ARPP21: variants seen among roughly 807,000 people sequenced by gnomAD.
ARPP21 encodes cAMP regulated phosphoprotein 21.
In ARPP21, 69 loss-of-function variants were observed where a neutral mutation model predicts 113.2. That is an observed-to-expected ratio of 0.61 (90% CI 0.50 to 0.74). The LOEUF is 0.74. ARPP21 is among the 30% of genes least tolerant of loss of function. The probability of loss-of-function intolerance (pLI) is 0.00; values close to 1 mark genes in which losing one functional copy is unlikely to be tolerated. For missense variants in ARPP21, 1,070 were observed against 1,037.4 expected (o/e 1.03, Z -0.43); for synonymous variants, 368 against 375.5 (o/e 0.98, Z 0.23).
At chr3:35,651,673 G>T (rs1186203748) in intron 1 of ARPP21, 1 of 151,974 alleles carries the variant, frequency 6.6e-6, no homozygotes, top group African/African-American at 2.4e-5. Flanking sequence ...TTTCTAAAAG[G>T]GGATTGTTCT....
chr3:35,750,802 T>G (rs1272749452), intron 19 of ARPP21, among the ~76,000 whole-genome samples: 1 of 152,114 alleles, frequency 6.6e-6, no homozygotes, highest in African/African-American at 2.4e-5. Flanking sequence ...CCTTTTGCAA[T>G]TGAATAAGAA....
At chr3:35,777,967 A>C (rs780016369) in intron 19 of ARPP21, among the ~76,000 whole-genome samples, 5 of 152,248 alleles carry the variant, frequency 3.3e-5, no homozygotes, top group South Asian at 4.1e-4. Context: ...CTCTACCCTA[A>C]TATCTAATGA....
At chr3:35,642,640 T>C (rs1698539053) in intron 1 of ARPP21, among the ~76,000 whole-genome samples, 1 of 152,182 alleles carries the variant, frequency 6.6e-6, no homozygotes, top group African/African-American at 2.4e-5. Context: ...AGCTGTCATA[T>C]TCTTGGGTGG....
At position 35,793,773 on chromosome 3, in the gene ARPP21, G is replaced by A. The variant is rs150351113; in HGVS notation, c.2359G>A (p.Ala787Thr). The A allele has an allele frequency of 6.2e-7, 1 of 1,613,964 alleles. No individual in the cohort carries two copies. The highest frequency in any genetic ancestry group is 1.1e-5 in the South Asian group (1 of 91,072). ...YQQPIMLPNQ[A>T]GQGSLPATGM... ...ACAGCCAATCATGCTACCTAACCAGGCAGGTCAAGGGTCACTCCCAGCCAC... is the reference window on the plus strand; with the variant it reads ...ACAGCCAATCATGCTACCTAACCAGACAGGTCAAGGGTCACTCCCAGCCAC... The change falls in exon 21 of 21, where the codon GCA (alanine) becomes ACA (threonine). Residue 787 changes from alanine (A) to threonine (T), a missense_variant. Coordinates refer to ENST00000684406, the MANE Select transcript of ARPP21 (RefSeq NM_001385562.1).
Position 35,681,862 on chromosome 3 carries a change from GGAGA to G in ARPP21, c.112_115del (p.Glu38AsnfsTer27), listed in dbSNP as rs1559595822. The G allele has an allele frequency of 6.2e-7, 1 of 1,611,958 alleles. No homozygotes were observed. Among genetic ancestry groups the G allele is most frequent in the Admixed American group, 1.7e-5 (1 of 59,856 alleles). On this transcript the variant is annotated frameshift_variant, in exon 3 of 21. Coordinates refer to ENST00000684406, the MANE Select transcript of ARPP21 (RefSeq NM_001385562.1). LOFTEE classifies it high-confidence loss of function. ...TTAAATCAGAAAGTCTGGATGAAGA[GGAGA>G]AACTGGAACTGCAGGTGAGTGAGCA...
intron 19 of ARPP21, among the ~76,000 whole-genome samples, chr3:35,760,376 G>T (rs1301177776): frequency 6.6e-6 from 1 of 152,070 alleles, no homozygotes; most frequent in Non-Finnish European, 1.5e-5. Flanking sequence ...GCCAGCACTT[G>T]TACGATGACA....
chr3:35,776,427 A>T (rs1387122565), intron 19 of ARPP21, among the ~76,000 whole-genome samples: 3 of 152,154 alleles, frequency 2.0e-5, no homozygotes, highest in Admixed American at 2.0e-4. Flanking sequence ...GGCCAGGGAA[A>T]GCAGAGGAAG....
rs1316822283 is a variant in ARPP21, at chr3:35,792,403, G to T, written c.2159G>T (p.Gly720Val). The stretch of plus-strand genomic sequence containing the variant: ...GCAGGTTACCAGCCAGTCTTGTCTG[G>T]TCAACAGGGATTCCAAGGCCTAATA... ...QQAGYQPVLS[G>V]QQGFQGLIGV... The change falls in exon 20 of 21, where the codon GGT becomes GTT. Residue 720 changes from glycine to valine, a missense_variant. By Grantham distance (109) the Gly-to-Val change is moderately radical. Coordinates refer to ENST00000684406, the MANE Select transcript of ARPP21 (RefSeq NM_001385562.1). The T allele has an allele frequency of 6.2e-7, 1 of 1,614,008 alleles. No individual in the cohort carries two copies. Among genetic ancestry groups the T allele is most frequent in the Non-Finnish European group, 8.5e-7 (1 of 1,179,910 alleles).
chr3:35,727,395 A>G (rs1053816319), intron 14 of ARPP21, among the ~76,000 whole-genome samples: 1 of 152,216 alleles, frequency 6.6e-6, no homozygotes, highest in Non-Finnish European at 1.5e-5. Flanking sequence ...AGGCAGTATT[A>G]GTCATCATTT....
intron 18 of ARPP21, 89 bp downstream of exon 18, chr3:35,739,666 A>G (rs539109066): frequency 3.5e-4 from 507 of 1,451,862 alleles, no homozygotes; most frequent in Non-Finnish European, 4.5e-4. Flanking sequence ...AACCAGATTC[A>G]CTCCCTCTTC....
intron 15 of ARPP21, among the ~76,000 whole-genome samples, chr3:35,733,389 G>A (rs541351996): frequency 1.2e-4 from 19 of 152,004 alleles, no homozygotes; most frequent in African/African-American, 2.7e-4. Flanking sequence ...TTTTCTCTGC[G>A]CCTGCTCTGC....
intron 3 of ARPP21, 83 bp downstream of exon 3, chr3:35,681,963 A>AT (rs1373826849): frequency 2.8e-6 from 4 of 1,431,240 alleles, no homozygotes; most frequent in Non-Finnish European, 2.8e-6. Flanking sequence ...TTAGAGATTT[A>AT]TTTTTTAAAG....
chr3:35,715,197 C>A (rs975325603), intron 11 of ARPP21: 8 of 414,116 alleles, frequency 1.9e-5, no homozygotes, highest in Non-Finnish European at 3.5e-5. Flanking sequence ...GACCTCCATG[C>A]CGAACAGACT....
In ARPP21 at chr3:35,793,797, A is replaced by G. The variant is rs1384799183; in HGVS notation, c.2383A>G (p.Thr795Ala). 3 of 1,614,022 alleles carry G rather than the reference A, an allele frequency of 1.9e-6. No homozygotes were observed. Among genetic ancestry groups the G allele is most frequent in the Non-Finnish European group, 2.5e-6 (3 of 1,180,016 alleles). The change falls in exon 21 of 21, where the codon ACT (threonine) becomes GCT (alanine). Residue 795 changes from threonine (T) to alanine (A), a missense_variant. By Grantham distance (58) the Thr-to-Ala change is moderately conservative. Coordinates refer to ENST00000684406, the MANE Select transcript of ARPP21 (RefSeq NM_001385562.1). ...NQAGQGSLPA[T>A]GMPVYCNVTP... is the part of the protein sequence containing the mutation. ...GGCAGGTCAAGGGTCACTCCCAGCC[A>G]CTGGAATGCCTGTTTACTGTAATGT... is the stretch of plus-strand genomic sequence containing the variant.
intron 19 of ARPP21, among the ~76,000 whole-genome samples, chr3:35,766,928 G>A (rs1040472272): frequency 6.6e-6 from 1 of 152,050 alleles, no homozygotes; most frequent in African/African-American, 2.4e-5. Context: ...AAGAAATGGG[G>A]CATTTTTTAT....
intron 1 of ARPP21, among the ~76,000 whole-genome samples, chr3:35,666,231 A>G (rs1458154102): frequency 6.6e-6 from 1 of 152,112 alleles, no homozygotes; most frequent in Non-Finnish European, 1.5e-5. Flanking sequence ...GTTATAGGGT[A>G]TTCCCACAAA....
At chr3:35,646,096 G>C (rs1700115215) in intron 1 of ARPP21, among the ~76,000 whole-genome samples, 1 of 151,972 alleles carries the variant, frequency 6.6e-6, no homozygotes, top group African/African-American at 2.4e-5. Flanking sequence ...TCTCACTACT[G>C]TTACATAGAC....
At chr3:35,711,722 G>T (rs551389008) in intron 11 of ARPP21, among the ~76,000 whole-genome samples, 1 of 152,102 alleles carries the variant, frequency 6.6e-6, no homozygotes, top group Non-Finnish European at 1.5e-5. Context: ...TTATTGGAAG[G>T]CCTCAATTCT....
chr3:35,658,023 A>G (rs1320208744), intron 1 of ARPP21, among the ~76,000 whole-genome samples: 1 of 152,134 alleles, frequency 6.6e-6, no homozygotes, highest in Non-Finnish European at 1.5e-5. Flanking sequence ...ATAAAAAGTA[A>G]TTGCACATTT....
Sources: allele counts gnomAD v4.1 joint callset (sites outside exome capture counted in the v4.1 genomes callset), GRCh38; gene constraint gnomAD v4.1.1; transcripts MANE v1.5; gene names NCBI Gene and HGNC (gene_info 2026-07-23, HGNC 2026-07-21).